CFAP95: variants seen among roughly 807,000 people sequenced by gnomAD.
CFAP95 encodes cilia and flagella associated protein 95, also known as cilia- and flagella-associated protein 95.
the CFAP95 span, among the ~76,000 whole-genome samples, chr9:69,841,622 C>T: frequency 3.9e-5 from 6 of 152,062 alleles, no homozygotes; most frequent in African/African-American, 7.2e-5. Flanking sequence ...CTGTATTAGT[C>T]GTTCTCATGC....
the CFAP95 span, among the ~76,000 whole-genome samples, chr9:69,870,759 C>T: frequency 6.6e-6 from 1 of 152,140 alleles, no homozygotes; most frequent in Non-Finnish European, 1.5e-5. Context: ...TGCCACAACA[C>T]ATTAGGGGTA....
the CFAP95 span, among the ~76,000 whole-genome samples, chr9:69,850,945 G>GC: frequency 4.6e-5 from 7 of 152,130 alleles, no homozygotes; most frequent in African/African-American, 1.7e-4. Context: ...GTTTTCTGCT[G>GC]CATCTCTGAG....
the CFAP95 span, chr9:69,844,640 T>C: frequency 6.4e-7 from 1 of 1,564,276 alleles, no homozygotes; most frequent in Non-Finnish European, 8.7e-7. Flanking sequence ...GTAGTTGCTA[T>C]TACTTCGTTT....
the CFAP95 span, among the ~76,000 whole-genome samples, chr9:69,895,829 T>C: frequency 2.6e-5 from 4 of 152,122 alleles, no homozygotes; most frequent in Non-Finnish European, 5.9e-5. Flanking sequence ...AGAGTCTTGC[T>C]CTGTCACTCA....
chr9:69,838,221 T>C, the CFAP95 span, among the ~76,000 whole-genome samples: 3 of 152,186 alleles, frequency 2.0e-5, no homozygotes, highest in Non-Finnish European at 2.9e-5. Flanking sequence ...GCGGGCTCTT[T>C]TTTGGTTCCA....
chr9:69,837,491 G>A, the CFAP95 span, among the ~76,000 whole-genome samples: 1 of 152,196 alleles, frequency 6.6e-6, no homozygotes, highest in Non-Finnish European at 1.5e-5. Flanking sequence ...GTGATGATGA[G>A]CATTTTTTCA....
the CFAP95 span, among the ~76,000 whole-genome samples, chr9:69,847,891 C>T: frequency 1.2e-4 from 19 of 152,298 alleles, no homozygotes; most frequent in South Asian, 4.2e-4. Context: ...CTTTTGTCTA[C>T]GTTTTGGCTA....
At chr9:69,884,181 C>A in the CFAP95 span, among the ~76,000 whole-genome samples, 167 of 152,198 alleles carry the variant, frequency 1.1e-3, no homozygotes, top group African/African-American at 3.9e-3. Flanking sequence ...ATTTTAATTT[C>A]CATGCATTGG....
the CFAP95 span, among the ~76,000 whole-genome samples, chr9:69,883,902 T>C: frequency 6.6e-6 from 1 of 152,142 alleles, no homozygotes; most frequent in South Asian, 2.1e-4. Context: ...CTCTGATTAT[T>C]ATTTCATTTC....
At chr9:69,879,973 GT>G in the CFAP95 span, among the ~76,000 whole-genome samples, 41 of 151,842 alleles carry the variant, frequency 2.7e-4, 1 homozygote, top group Middle Eastern at 3.4e-3. Context: ...ATTTTTGTTT[GT>G]TTTGGTTTAT....
chr9:69,842,130 G>A, the CFAP95 span, among the ~76,000 whole-genome samples: 1 of 152,302 alleles, frequency 6.6e-6, no homozygotes, highest in African/African-American at 2.4e-5. Context: ...CCCAGGGATG[G>A]TGCTGGGTTT....
chr9:69,904,019 C>T, the CFAP95 span, among the ~76,000 whole-genome samples: 24 of 152,128 alleles, frequency 1.6e-4, no homozygotes, highest in African/African-American at 3.9e-4. Flanking sequence ...CCTCTGTGCC[C>T]GGCCCATTCT....
At chr9:69,845,095 T>C in the CFAP95 span, among the ~76,000 whole-genome samples, 3 of 152,222 alleles carry the variant, frequency 2.0e-5, no homozygotes, top group Non-Finnish European at 2.9e-5. Flanking sequence ...TGGTTTCAAG[T>C]GTTTTGTGCT....
the CFAP95 span, among the ~76,000 whole-genome samples, chr9:69,869,820 C>A: frequency 6.6e-6 from 1 of 151,498 alleles, no homozygotes; most frequent in Non-Finnish European, 1.5e-5. Flanking sequence ...CCTGACATTT[C>A]CTTTAATCCC....
At chr9:69,895,865 G>A in the CFAP95 span, among the ~76,000 whole-genome samples, 2 of 151,746 alleles carry the variant, frequency 1.3e-5, no homozygotes, top group Non-Finnish European at 2.9e-5. Flanking sequence ...GAATGATCTC[G>A]GCTCACTGCA....
the CFAP95 span, among the ~76,000 whole-genome samples, chr9:69,846,787 T>G: frequency 6.6e-6 from 1 of 152,196 alleles, no homozygotes; most frequent in African/African-American, 2.4e-5. Flanking sequence ...CTAAAGACAC[T>G]CTTGATAGTT....
the CFAP95 span, among the ~76,000 whole-genome samples, chr9:69,900,993 C>T: frequency 6.6e-6 from 1 of 152,086 alleles, no homozygotes; most frequent in Non-Finnish European, 1.5e-5. Context: ...TTAGGTATAT[C>T]TCCTAATGCT....
At chr9:69,839,753 A>G in the CFAP95 span, among the ~76,000 whole-genome samples, 635 of 151,970 alleles carry the variant, frequency 4.2e-3, 5 homozygotes, top group African/African-American at 0.015. Flanking sequence ...TTATGCATGG[A>G]AATACATGTA....
the CFAP95 span, among the ~76,000 whole-genome samples, chr9:69,869,901 T>C: frequency 6.6e-6 from 1 of 152,180 alleles, no homozygotes; most frequent in Non-Finnish European, 1.5e-5. Context: ...GTAGTTGTCA[T>C]AGAAAATCAT....
Sources: allele counts gnomAD v4.1 joint callset (sites outside exome capture counted in the v4.1 genomes callset), GRCh38; gene constraint gnomAD v4.1.1; transcripts MANE v1.5; gene names NCBI Gene and HGNC (gene_info 2026-07-23, HGNC 2026-07-21).